SAMD5: variants seen among roughly 807,000 people sequenced by gnomAD.
SAMD5 encodes sterile alpha motif domain-containing protein 5.
In SAMD5, 13 loss-of-function variants were observed where a neutral mutation model predicts 11.3. That is an observed-to-expected ratio of 1.15 (90% CI 0.75 to 1.83). SAMD5 has a LOEUF of 1.83. Among genes scored for constraint, SAMD5 ranks in the 40% most tolerant of loss-of-function variants. The probability of loss-of-function intolerance (pLI) is 0.00; values close to 1 mark genes in which losing one functional copy is unlikely to be tolerated. For missense variants in SAMD5, 255 were observed against 239.1 expected, an observed-to-expected ratio of 1.07 and a Z score of -0.44; for synonymous variants, 129 against 111.3, an observed-to-expected ratio of 1.16 and a Z score of -1.00.
At position 147,569,475 on chromosome 6, in the gene SAMD5, C is replaced by A; in HGVS notation, c.*5019C>A. On this transcript the variant is annotated 3_prime_UTR_variant, in exon 2 of 2. Coordinates refer to ENST00000367474, the MANE Select transcript of SAMD5 (RefSeq NM_001030060.3). The stretch of plus-strand genomic sequence containing the variant: ...AAAAGGAAATAAATCTACAATAAAT[C>A]TACTTTCTAAATATTATTTAAGATG... The A allele has an allele frequency of 2.2e-6, 2 of 908,920 alleles. No individual in the cohort carries two copies. The highest frequency in any genetic ancestry group is 2.6e-6 in the Non-Finnish European group (2 of 760,232). The allele number at this position is 908,920 out of a possible 1,614,324, so 56.3% of individuals were successfully genotyped here.
the SAMD5 span, among the ~76,000 whole-genome samples, chr6:147,754,455 T>C: frequency 6.6e-6 from 1 of 151,938 alleles, no homozygotes; most frequent in South Asian, 2.1e-4. Context: ...TGTATTCTGG[T>C]TATTAATCCT....
chr6:147,930,355 A>C, the SAMD5 span, among the ~76,000 whole-genome samples: 2 of 152,100 alleles, frequency 1.3e-5, no homozygotes, highest in African/African-American at 2.4e-5. Flanking sequence ...CCTGTTACCC[A>C]GTTCCAAAGC....
chr6:147,869,239 C>A, the SAMD5 span, among the ~76,000 whole-genome samples: 6 of 152,306 alleles, frequency 3.9e-5, no homozygotes, highest in African/African-American at 9.6e-5. Flanking sequence ...ATGAAGGGGT[C>A]CCCTCTGATT....
the SAMD5 span, among the ~76,000 whole-genome samples, chr6:147,775,388 A>C: frequency 1.3e-5 from 2 of 152,202 alleles, no homozygotes; most frequent in Non-Finnish European, 2.9e-5. Context: ...TAGAGTGTTT[A>C]TATAGCACCA....
the SAMD5 span, among the ~76,000 whole-genome samples, chr6:147,799,458 C>G: frequency 2.6e-5 from 4 of 151,536 alleles, no homozygotes; most frequent in African/African-American, 9.7e-5. Flanking sequence ...TGATGGGCTT[C>G]CCTTTGAGGG....
the SAMD5 span, among the ~76,000 whole-genome samples, chr6:147,816,300 AAATATATATATATAT>A: frequency 5.3e-5 from 6 of 112,364 alleles, no homozygotes; most frequent in African/African-American, 2.1e-4. Context: ...AAAAAAAAAA[AAATATATATATATAT>A]ATATATATAT....
intron 1 of SAMD5, among the ~76,000 whole-genome samples, chr6:147,555,311 T>C (rs1788838112): frequency 6.6e-6 from 1 of 152,386 alleles, no homozygotes. Context: ...AACACCATTT[T>C]CACTTGAAAG....
chr6:147,913,185 G>T, the SAMD5 span, among the ~76,000 whole-genome samples: 1 of 152,094 alleles, frequency 6.6e-6, no homozygotes, highest in Non-Finnish European at 1.5e-5. Context: ...TATTTTAAAT[G>T]AATATCCCAA....
At chr6:147,608,745 C>T (rs561755485) in intron 1 of SAMD5, among the ~76,000 whole-genome samples, 4 of 152,224 alleles carry the variant, frequency 2.6e-5, no homozygotes, top group African/African-American at 9.6e-5. Flanking sequence ...GCACAATCAA[C>T]TTATGATAGC....
At chr6:147,754,101 A>G in the SAMD5 span, among the ~76,000 whole-genome samples, 552 of 152,254 alleles carry the variant, frequency 3.6e-3, 4 homozygotes, top group African/African-American at 0.013. Flanking sequence ...GTAGCTCAGT[A>G]TTCAGGTTTC....
chr6:147,810,839 T>C, the SAMD5 span, among the ~76,000 whole-genome samples: 1 of 152,212 alleles, frequency 6.6e-6, no homozygotes, highest in East Asian at 1.9e-4. Flanking sequence ...ATAGACATCA[T>C]TGGAGTCCAC....
rs61482319 is a variant in SAMD5 at position 147,734,711 on chromosome 6, T to TAAAAAAAAAAAAAA, written c.163-2588_163-2575dup. On this transcript the variant is annotated intron_variant, in intron 1 of 1. Coordinates refer to the SAMD5 transcript ENST00000566741. ...CTGGGCGGCAGAGCGAGACTCCATC[T>TAAAAAAAAAAAAAA]AAAAAAAAAAAAAAAAAAAAAAAAA... Among the ~76,000 whole-genome samples the TAAAAAAAAAAAAAA allele has an allele frequency of 2.1e-3, 56 of 26,112 alleles. 4 individuals carry two copies. The highest frequency in any genetic ancestry group is 2.6e-3 in the African/African-American group (28 of 10,726). The allele number at this position is 26,112 out of a possible 152,430, so 17.1% of individuals were successfully genotyped here. A position where few individuals can be genotyped will look rare whatever the true frequency, so the allele number is the denominator to read the frequency against.
the SAMD5 span, among the ~76,000 whole-genome samples, chr6:147,921,961 A>T: frequency 6.6e-6 from 1 of 152,216 alleles, no homozygotes; most frequent in East Asian, 1.9e-4. Flanking sequence ...AATGGTCAGA[A>T]ATTATCCTGA....
At chr6:147,599,918 G>A (rs1789590151) in intron 1 of SAMD5, among the ~76,000 whole-genome samples, 1 of 152,190 alleles carries the variant, frequency 6.6e-6, no homozygotes, top group Non-Finnish European at 1.5e-5. Context: ...GTCCCAGTAG[G>A]TGTGTATGGG....
chr6:147,881,529 T>C, the SAMD5 span, among the ~76,000 whole-genome samples: 1 of 152,140 alleles, frequency 6.6e-6, no homozygotes, highest in African/African-American at 2.4e-5. Context: ...GTGGCCTCCA[T>C]ACGGTAGAGG....
intron 1 of SAMD5, among the ~76,000 whole-genome samples, chr6:147,693,058 A>C (rs188632179): frequency 1.3e-5 from 2 of 152,236 alleles, no homozygotes; most frequent in Non-Finnish European, 2.9e-5. Flanking sequence ...ATTGATCTCA[A>C]TTAAAATCAG....
the SAMD5 span, among the ~76,000 whole-genome samples, chr6:147,928,978 G>GT: frequency 0.24 from 36,117 of 147,872 alleles, 5,117 homozygotes; most frequent in African/African-American, 0.39. Flanking sequence ...GGTTTTGAGT[G>GT]TTTTTTTTTT....
intron 1 of SAMD5, among the ~76,000 whole-genome samples, chr6:147,703,707 A>G (rs9322106): frequency 0.08 from 12,219 of 152,190 alleles, 530 homozygotes; most frequent in Middle Eastern, 0.13. Flanking sequence ...GAGTGGTACA[A>G]TTTAGAGATA....
chr6:147,782,743 G>A, the SAMD5 span, among the ~76,000 whole-genome samples: 55 of 152,206 alleles, frequency 3.6e-4, no homozygotes, highest in African/African-American at 1.2e-3. Flanking sequence ...AGTCTAAAAG[G>A]TATTATACCA....
Sources: gnomAD v4.1 joint callset for allele counts (sites outside exome capture counted in the v4.1 genomes callset) on GRCh38, gnomAD v4.1.1 for gene constraint, MANE v1.5 for transcripts, NCBI Gene and HGNC (gene_info 2026-07-23, HGNC 2026-07-21) for gene names.